SLC24A3: variants seen among roughly 807,000 people sequenced by gnomAD.
SLC24A3 encodes solute carrier family 24 member 3.
In SLC24A3, 28 loss-of-function variants were observed where a neutral mutation model predicts 75.8. That is an observed-to-expected ratio of 0.37 (90% CI 0.27 to 0.51). SLC24A3 has a LOEUF of 0.51. Ranked by LOEUF, SLC24A3 falls within the 20% of genes least tolerant of loss-of-function variation. The pLI is 0.94. For synonymous variants in SLC24A3, 372 were observed against 334.1 expected (o/e 1.11, Z -1.24); for missense variants, 663 against 847.8 (o/e 0.78, Z 2.71).
At chr20:19,677,519 C>T (rs928135954) in intron 9 of SLC24A3, among the ~76,000 whole-genome samples, 1 of 151,874 alleles carries the variant, frequency 6.6e-6, no homozygotes, top group African/African-American at 2.4e-5. Flanking sequence ...GTCACCACCC[C>T]CAGCAACCAT....
At chr20:19,614,413 G>A (rs1284067549) in intron 6 of SLC24A3, among the ~76,000 whole-genome samples, 1 of 152,216 alleles carries the variant, frequency 6.6e-6, no homozygotes, top group Non-Finnish European at 1.5e-5. Flanking sequence ...CCTAGAATGT[G>A]CTTCATGCAG....
intron 9 of SLC24A3, among the ~76,000 whole-genome samples, chr20:19,677,686 C>CTTTTTTTTTTTTTTTTTTA (rs2032541582): frequency 8.8e-6 from 1 of 113,934 alleles, no homozygotes; most frequent in Non-Finnish European, 1.8e-5. Flanking sequence ...TTTTTTTTTT[C>CTTTTTTTTTTTTTTTTTTA]TTTTTTTTTT....
intron 3 of SLC24A3, among the ~76,000 whole-genome samples, chr20:19,562,115 A>T (rs1278597921): frequency 1.3e-5 from 2 of 151,912 alleles, no homozygotes; most frequent in Admixed American, 1.3e-4. Context: ...CCCATTTGTG[A>T]CTCTGCTTCT....
chr20:19,624,848 T>C (rs1220609702), intron 6 of SLC24A3, among the ~76,000 whole-genome samples: 1 of 152,252 alleles, frequency 6.6e-6, no homozygotes, highest in Non-Finnish European at 1.5e-5. Flanking sequence ...CATATTATCA[T>C]TTATCTATTG....
intron 2 of SLC24A3, among the ~76,000 whole-genome samples, chr20:19,492,810 C>T (rs1988227725): frequency 6.6e-6 from 1 of 151,924 alleles, no homozygotes; most frequent in Non-Finnish European, 1.5e-5. Flanking sequence ...TTAACATTTA[C>T]AAAGTTTGTT....
rs541409920 is a variant in SLC24A3, at chr20:19,704,625, G to A, written c.1719+5945G>A. On this transcript the variant is annotated intron_variant, in intron 15 of 16. Transcript: ENST00000328041. ...TTGAAGTGATGTTTTAGAGAGAGAG[G>A]TGCAGATGTCACTCTGTATTTACTG... Among the ~76,000 whole-genome samples the A allele has an allele frequency of 2.8e-3, 425 of 152,284 alleles. 2 individuals are homozygous for A. Among genetic ancestry groups the A allele is most frequent in the Middle Eastern group, 6.8e-3 (2 of 294 alleles).
chr20:19,281,859 A>C (rs1983673731), intron 2 of SLC24A3, among the ~76,000 whole-genome samples: 2 of 152,178 alleles, frequency 1.3e-5, no homozygotes, highest in Admixed American at 1.3e-4. Context: ...ATGCTTTATC[A>C]ATTTAAAAAG....
chr20:19,390,261 G>T (rs918367142), intron 2 of SLC24A3, among the ~76,000 whole-genome samples: 2 of 152,104 alleles, frequency 1.3e-5, no homozygotes, highest in East Asian at 3.9e-4. Flanking sequence ...TTCTTTGTTG[G>T]TGTCATGTTT....
chr20:19,262,175 G>A (rs953957684), intron 1 of SLC24A3, among the ~76,000 whole-genome samples: 1 of 151,830 alleles, frequency 6.6e-6, no homozygotes, highest in African/African-American at 2.4e-5. Context: ...AGGCCGAGGC[G>A]GGCGGATCAC....
intron 2 of SLC24A3, among the ~76,000 whole-genome samples, chr20:19,401,843 T>TACACTGCTTC (rs1986557043): frequency 1.3e-5 from 2 of 152,372 alleles, no homozygotes; most frequent in Non-Finnish European, 2.9e-5. Context: ...GCACATGCTT[T>TACACTGCTTC]ACACTGCTTC....
At chr20:19,280,446 C>T (rs1011294332) in intron 1 of SLC24A3, among the ~76,000 whole-genome samples, 1 of 152,096 alleles carries the variant, frequency 6.6e-6, no homozygotes, top group East Asian at 1.9e-4. Context: ...AGGGGCTAGA[C>T]CTCGGTGGGC....
At chr20:19,491,021 A>C (rs1233314564) in intron 2 of SLC24A3, among the ~76,000 whole-genome samples, 1 of 152,214 alleles carries the variant, frequency 6.6e-6, no homozygotes, top group Non-Finnish European at 1.5e-5. Context: ...AACATTCACA[A>C]AACTCAACTT....
chr20:19,346,396 TGTATATATATG>T (rs1568595990), intron 2 of SLC24A3, among the ~76,000 whole-genome samples: 2 of 143,602 alleles, frequency 1.4e-5, no homozygotes, highest in South Asian at 4.4e-4. Context: ...ATATATATGG[TGTATATATATG>T]GTATATATAT....
chr20:19,687,149 G>A (rs1465645703), intron 12 of SLC24A3, among the ~76,000 whole-genome samples: 3 of 152,194 alleles, frequency 2.0e-5, no homozygotes, highest in African/African-American at 7.2e-5. Context: ...TGTAGCCAGG[G>A]CTACATTCCT....
At chr20:19,225,444 A>G (rs1005988108) in intron 1 of SLC24A3, among the ~76,000 whole-genome samples, 2 of 152,208 alleles carry the variant, frequency 1.3e-5, no homozygotes, top group African/African-American at 4.8e-5. Context: ...TTTTCCAAGC[A>G]TTGTGGAATA....
At chr20:19,406,240 A>AGAGAG (rs1986644701) in intron 2 of SLC24A3, among the ~76,000 whole-genome samples, 1 of 147,648 alleles carries the variant, frequency 6.8e-6, no homozygotes, top group African/African-American at 2.6e-5. Flanking sequence ...GAGAGAGAGA[A>AGAGAG]AGCATATCTA....
intron 2 of SLC24A3, among the ~76,000 whole-genome samples, chr20:19,472,255 G>A (rs1179000459): frequency 6.6e-6 from 1 of 152,218 alleles, no homozygotes; most frequent in East Asian, 1.9e-4. Context: ...ACCTGCCTGG[G>A]GGCCCTGCGT....
intron 6 of SLC24A3, among the ~76,000 whole-genome samples, chr20:19,588,341 G>A (rs2031328318): frequency 6.6e-6 from 1 of 152,190 alleles, no homozygotes; most frequent in Non-Finnish European, 1.5e-5. Flanking sequence ...AGAATTACCA[G>A]CGAGTGCCCG....
intron 4 of SLC24A3, among the ~76,000 whole-genome samples, chr20:19,583,706 A>C (rs1025470430): frequency 3.3e-5 from 5 of 152,200 alleles, no homozygotes; most frequent in African/African-American, 1.2e-4. Context: ...AGGTCTCGGC[A>C]AACCATACAG....
Sources: gnomAD v4.1 joint callset for allele counts (sites outside exome capture counted in the v4.1 genomes callset) on GRCh38, gnomAD v4.1.1 for gene constraint, MANE v1.5 for transcripts, NCBI Gene and HGNC (gene_info 2026-07-23, HGNC 2026-07-21) for gene names.